The following RABGAP1L variants were observed in gnomAD, a reference collection of about 807,000 sequenced individuals.
RABGAP1L encodes RAB GTPase activating protein 1 like.
Under a neutral mutation model 137.7 loss-of-function variants are expected in RABGAP1L, and 63 were observed. That is an observed-to-expected ratio of 0.46 (90% CI 0.37 to 0.56). RABGAP1L has a LOEUF of 0.56. Among genes scored for constraint, RABGAP1L ranks in the 20% least tolerant of loss-of-function variants. RABGAP1L has a pLI of 0.00. For synonymous variants in RABGAP1L, 431 were observed against 433.7 expected (o/e 0.99, Z 0.08); for missense variants, 1,095 against 1,244.0 (o/e 0.88, Z 1.80).
intron 19 of RABGAP1L, among the ~76,000 whole-genome samples, chr1:174,917,384 G>A (rs1254171100): frequency 6.6e-6 from 1 of 152,148 alleles, no homozygotes; most frequent in Non-Finnish European, 1.5e-5. Flanking sequence ...TTGATATTAT[G>A]TATACATCAG....
chr1:174,959,802 G>A (rs1406697914), intron 20 of RABGAP1L, among the ~76,000 whole-genome samples: 2 of 152,124 alleles, frequency 1.3e-5, no homozygotes, highest in Non-Finnish European at 2.9e-5. Context: ...CAAGGTGGCA[G>A]TCAACAACAT....
intron 19 of RABGAP1L, among the ~76,000 whole-genome samples, chr1:174,872,587 C>T (rs1244806631): frequency 3.3e-5 from 5 of 150,114 alleles, no homozygotes; most frequent in South Asian, 2.1e-4. Context: ...TAAGAGGCAG[C>T]ATCTTATTCT....
At chr1:174,281,307 GC>G (rs1675518280) in intron 10 of RABGAP1L, among the ~76,000 whole-genome samples, 2 of 152,086 alleles carry the variant, frequency 1.3e-5, no homozygotes, top group Admixed American at 6.6e-5. Flanking sequence ...TTTACAGAGC[GC>G]TGATTGGTCC....
rs550819020 is a variant in RABGAP1L at position 174,230,640 on chromosome 1, T to C, written c.332-505T>C. Among the ~76,000 whole-genome samples the C allele has an allele frequency of 1.4e-3, 214 of 152,292 alleles. 2 individuals carry two copies. Among genetic ancestry groups the C allele is most frequent in the African/African-American group, 5.0e-3 (209 of 41,570 alleles). On this transcript the variant is annotated intron_variant, in intron 3 of 25. Transcript: ENST00000681986. ...GTGAGGGAAGCCATCTGGGGAGATA[T>C]GTGCCCTTCTATCGTTGTGGGAACC...
Position 174,990,169 on chromosome 1 carries a change from T to A in RABGAP1L, c.*168T>A. On this transcript the variant is annotated 3_prime_UTR_variant, in exon 26 of 26. Coordinates refer to ENST00000681986, the MANE Select transcript of RABGAP1L (RefSeq NM_001366446.1). ...TGACACTTTTCAAAGGGATGCTATT[T>A]AAACTGACCTGTTCTATGTTGAATA... The A allele has an allele frequency of 1.2e-6, 1 of 849,816 alleles. No individual in the cohort carries two copies. The highest frequency in any genetic ancestry group is 1.8e-6 in the Non-Finnish European group (1 of 565,532). 52.6% of individuals were successfully genotyped at this position (849,816 alleles called of 1,614,324 possible). A position where few individuals can be genotyped will look rare whatever the true frequency, so the allele number is the denominator to read the frequency against.
chr1:174,345,925 T>C (rs910253065), intron 11 of RABGAP1L, among the ~76,000 whole-genome samples: 5 of 152,114 alleles, frequency 3.3e-5, no homozygotes, highest in Admixed American at 6.5e-5. Context: ...TGCTTCTGTA[T>C]CCAGTTTTTT....
rs1406431843 is a variant in RABGAP1L at position 174,990,932 on chromosome 1, G to C, written c.*931G>C. 6.6e-6 allele frequency: 1 copy of C among 152,138 alleles called. No individual in the cohort carries two copies. Among genetic ancestry groups the C allele is most frequent in the African/African-American group, 2.4e-5 (1 of 41,426 alleles). The allele number at this position is 152,138 out of a possible 1,614,324, so 9.4% of individuals were successfully genotyped here. ...TTTAACGTTGATATATACTTGCTAA[G>C]GAAACACTAACAATACTGTAACTTT... On this transcript the variant is annotated 3_prime_UTR_variant, in exon 26 of 26. Coordinates refer to ENST00000681986, the MANE Select transcript of RABGAP1L (RefSeq NM_001366446.1).
At chr1:174,182,862 G>T (rs1436508956) in intron 1 of RABGAP1L, among the ~76,000 whole-genome samples, 2 of 152,170 alleles carry the variant, frequency 1.3e-5, no homozygotes, top group Non-Finnish European at 2.9e-5. Flanking sequence ...GCCTTTCTCA[G>T]TATGGCTATT....
intron 11 of RABGAP1L, among the ~76,000 whole-genome samples, chr1:174,347,555 C>T (rs545438866): frequency 8.6e-5 from 13 of 150,942 alleles, no homozygotes; most frequent in Non-Finnish European, 1.3e-4. Context: ...TGCAGTGGTG[C>T]GATCTTGGCT....
chr1:174,957,412 T>A, intron 19 of RABGAP1L, 45 bp from the exon 20 acceptor site: 1 of 1,493,268 alleles, frequency 6.7e-7, no homozygotes, highest in Non-Finnish European at 9.3e-7. Context: ...TTTTTTTTCA[T>A]AAATGGTGTC....
In RABGAP1L at chr1:174,586,057, A is replaced by G. The variant is rs368201856; in HGVS notation, c.1711-51318A>G. On this transcript the variant is annotated intron_variant, in intron 13 of 25. Coordinates refer to ENST00000681986, the MANE Select transcript of RABGAP1L (RefSeq NM_001366446.1). ...CCAAAGGAATATAAATCATTCTATT[A>G]AAAAGATACATGCATGCGTATGTTC... is the stretch of plus-strand genomic sequence containing the variant. Among the ~76,000 whole-genome samples, 42 of 152,336 alleles carry G rather than the reference A, an allele frequency of 2.8e-4. No homozygotes were observed. In the East Asian group the frequency reaches 4.4e-3, roughly 16 times the overall value.
At chr1:174,330,105 T>C (rs1680897771) in intron 11 of RABGAP1L, among the ~76,000 whole-genome samples, 1 of 152,072 alleles carries the variant, frequency 6.6e-6, no homozygotes, top group Non-Finnish European at 1.5e-5. Flanking sequence ...AAGGACGAAA[T>C]CAAGTTGTCC....
intron 18 of RABGAP1L, among the ~76,000 whole-genome samples, chr1:174,790,348 G>A (rs1687756504): frequency 6.6e-6 from 1 of 152,178 alleles, no homozygotes; most frequent in African/African-American, 2.4e-5. Flanking sequence ...TCTGGGCCGG[G>A]CACGGTGGCT....
intron 1 of RABGAP1L, among the ~76,000 whole-genome samples, chr1:174,178,265 C>G (rs1666052234): frequency 1.3e-5 from 2 of 152,118 alleles, no homozygotes; most frequent in Middle Eastern, 6.8e-3. Flanking sequence ...TGATTTGGCT[C>G]TCTGCTTGTC....
chr1:174,871,027 C>A (rs902339824), intron 19 of RABGAP1L, among the ~76,000 whole-genome samples: 11 of 152,086 alleles, frequency 7.2e-5, no homozygotes, highest in Admixed American at 5.2e-4. Context: ...GCATGAGCCA[C>A]CACGCCCGGC....
intron 13 of RABGAP1L, among the ~76,000 whole-genome samples, chr1:174,437,680 C>G (rs545413278): frequency 6.6e-6 from 1 of 152,262 alleles, no homozygotes; most frequent in Non-Finnish European, 1.5e-5. Context: ...CCCAATCTAG[C>G]AAGGCAGACC....
At chr1:174,323,953 T>C (rs780452448) in intron 11 of RABGAP1L, among the ~76,000 whole-genome samples, 25 of 152,166 alleles carry the variant, frequency 1.6e-4, no homozygotes, top group Non-Finnish European at 4.4e-5. Flanking sequence ...TGCTCTATAA[T>C]GGAAGAGTCA....
chr1:174,220,947 CAG>C (rs1553254885), intron 2 of RABGAP1L, 23 bp from the exon 3 acceptor site: 1 of 1,514,512 alleles, frequency 6.6e-7, no homozygotes, highest in Non-Finnish European at 8.9e-7. Context: ...AGAATTGAAA[CAG>C]AATTGTCTTG....
chr1:174,500,722 T>C lies in RABGAP1L; in HGVS notation c.1710+106577T>C, dbSNP rs140073751. Among the ~76,000 whole-genome samples, 1,023 of 152,312 alleles carry C rather than the reference T, an allele frequency of 6.7e-3. 13 individuals carry two copies. Among genetic ancestry groups the C allele is most frequent in the African/African-American group, 0.023 (963 of 41,556 alleles). On this transcript the variant is annotated intron_variant, in intron 13 of 25. Transcript: ENST00000681986. The stretch of plus-strand genomic sequence containing the variant: ...CATTTAATGCCATAACCTTCTGATA[T>C]AGATATTATTATCCATAATTTCTTA...
Sources: allele counts gnomAD v4.1 joint callset (sites outside exome capture counted in the v4.1 genomes callset), GRCh38; gene constraint gnomAD v4.1.1; transcripts MANE v1.5; gene names NCBI Gene and HGNC (gene_info 2026-07-23, HGNC 2026-07-21).